Variants in RNF217 observed in about 807,000 individuals in gnomAD.
RNF217 encodes E3 ubiquitin-protein ligase RNF217.
A neutral mutation model predicts 57.8 loss-of-function variants in RNF217; 31 were observed. That is an observed-to-expected ratio of 0.54 (90% confidence interval 0.40 to 0.72). The LOEUF is 0.72. Among genes scored for constraint, RNF217 ranks in the 30% least tolerant of loss-of-function variants. RNF217 has a pLI of 0.00. For synonymous variants in RNF217, 313 were observed against 294.0 expected, an observed-to-expected ratio of 1.06 and a Z score of -0.66; for missense variants, 696 against 708.3, an observed-to-expected ratio of 0.98 and a Z score of 0.20.
At position 125,033,813 on chromosome 6, in the gene RNF217, T is replaced by A. The variant is rs370138318; in HGVS notation, c.883-11398T>A. On this transcript the variant is annotated intron_variant, in intron 1 of 5. Coordinates refer to ENST00000521654, the MANE Select transcript of RNF217 (RefSeq NM_001286398.3). ...TGAACTAGTTTACAGTCCCACCAAC[T>A]GTGTAAAAGTGTTCCTATTTCTCCA... is the stretch of plus-strand genomic sequence containing the variant. 1.5e-4 allele frequency among the ~76,000 whole-genome samples: 23 copies of A among 151,686 alleles called. 1 individual carries two copies. Among genetic ancestry groups the A allele is most frequent in the Admixed American group, 3.9e-4 (6 of 15,222 alleles).
At chr6:125,000,978 G>A (rs1784958066) in intron 1 of RNF217, among the ~76,000 whole-genome samples, 1 of 152,098 alleles carries the variant, frequency 6.6e-6, no homozygotes, top group Non-Finnish European at 1.5e-5. Flanking sequence ...ATTACATATA[G>A]TGAAAACATT....
At position 124,963,062 on chromosome 6, in the gene RNF217, T is replaced by A; in HGVS notation, c.518T>A (p.Leu173Gln). 1.9e-6 allele frequency: 3 copies of A among 1,566,690 alleles called. No homozygotes were observed. Among genetic ancestry groups the A allele is most frequent in the Non-Finnish European group, 2.6e-6 (3 of 1,164,292 alleles). ...TCCGTGTACTGCGTGGAGAGCGACC[T>A]GCCCGAGGCCCCCGCCTCGGAGCAG... ...FCSVYCVESD[L>Q]PEAPASEQLS... The change falls in exon 1 of 6, where the codon CTG becomes CAG. Residue 173 changes from leucine (L) to glutamine (Q), a missense_variant. Transcript: ENST00000521654.
chr6:125,028,766 G>GC (rs1786221863), intron 1 of RNF217, among the ~76,000 whole-genome samples: 1 of 147,982 alleles, frequency 6.8e-6, no homozygotes, highest in African/African-American at 2.5e-5. Flanking sequence ...TTAAAATAAG[G>GC]TTTTTTTTTT....
intron 2 of RNF217, among the ~76,000 whole-genome samples, chr6:125,053,982 A>G (rs928572572): frequency 6.6e-5 from 10 of 152,202 alleles, no homozygotes; most frequent in African/African-American, 2.2e-4. Flanking sequence ...GCCACTAGTC[A>G]TAAATTAGAT....
intron 3 of RNF217, among the ~76,000 whole-genome samples, chr6:125,074,909 C>A (rs1346272660): frequency 1.3e-5 from 2 of 152,162 alleles, no homozygotes; most frequent in East Asian, 3.8e-4. Flanking sequence ...TTCACTGACA[C>A]TCTAGTCCCG....
At chr6:125,045,041 G>A (rs1787040962) in intron 1 of RNF217, among the ~76,000 whole-genome samples, 170 bp from the exon 2 acceptor site, 1 of 151,852 alleles carries the variant, frequency 6.6e-6, no homozygotes, top group Non-Finnish European at 1.5e-5. Context: ...GATTATTTTG[G>A]TATTGCCTAA....
chr6:125,090,597 A>G lies in RNF217; in HGVS notation c.*7660A>G, dbSNP rs1788909511. 6.6e-6 allele frequency: 1 copy of G among 151,726 alleles called. No homozygotes were observed. The highest frequency in any genetic ancestry group is 1.5e-5 in the Non-Finnish European group (1 of 67,780). 9.4% of individuals were successfully genotyped at this position (151,726 alleles called of 1,614,324 possible). A position where few individuals can be genotyped will look rare whatever the true frequency, so the allele number is the denominator to read the frequency against. On this transcript the variant is annotated 3_prime_UTR_variant, in exon 6 of 6. Transcript: ENST00000521654. ...TATCAGAATGTATTCCATTTTAATTATATTCTCCTTAACAATAGAAAATTA... is the reference window on the plus strand; with the variant it reads ...TATCAGAATGTATTCCATTTTAATTGTATTCTCCTTAACAATAGAAAATTA...
At chr6:124,987,668 G>C (rs149769103) in intron 1 of RNF217, among the ~76,000 whole-genome samples, 1 of 152,052 alleles carries the variant, frequency 6.6e-6, no homozygotes, top group Non-Finnish European at 1.5e-5. Context: ...TAGAGACAGA[G>C]TCTGGCTATG....
chr6:124,970,750 A>G (rs1271011119), intron 1 of RNF217, among the ~76,000 whole-genome samples: 1 of 152,190 alleles, frequency 6.6e-6, no homozygotes, highest in African/African-American at 2.4e-5. Context: ...AATGTTCACA[A>G]ATATGGAGTC....
intron 1 of RNF217, among the ~76,000 whole-genome samples, chr6:125,024,114 A>G (rs1582720939): frequency 6.6e-6 from 1 of 152,350 alleles, no homozygotes; most frequent in Non-Finnish European, 1.5e-5. Context: ...GGTAAACAAA[A>G]TGAAACAAAG....
intron 1 of RNF217, among the ~76,000 whole-genome samples, chr6:125,012,221 T>C (rs1785440508): frequency 6.6e-6 from 1 of 152,300 alleles, no homozygotes; most frequent in Admixed American, 6.5e-5. Context: ...ATATAGCATA[T>C]ACAATACTAA....
chr6:125,075,360 G>A (rs1420258615), intron 3 of RNF217, among the ~76,000 whole-genome samples: 1 of 152,152 alleles, frequency 6.6e-6, no homozygotes, highest in Non-Finnish European at 1.5e-5. Flanking sequence ...AAATACCTGA[G>A]ACTGGGTAAT....
intron 1 of RNF217, among the ~76,000 whole-genome samples, chr6:125,013,279 A>G (rs1196020371): frequency 6.6e-6 from 1 of 152,014 alleles, no homozygotes; most frequent in Non-Finnish European, 1.5e-5. Flanking sequence ...TATTACCAGA[A>G]AAACAAAGCT....
chr6:125,083,954 A>G lies in RNF217; in HGVS notation c.*1017A>G, dbSNP rs568378045. ...ACATTGGGATTATTTAATCCCAAAAACAAGTTTGCTGTAGACAACTGCTTA... is the reference window on the plus strand; with the variant it reads ...ACATTGGGATTATTTAATCCCAAAAGCAAGTTTGCTGTAGACAACTGCTTA... On this transcript the variant is annotated 3_prime_UTR_variant, in exon 6 of 6. Coordinates refer to ENST00000521654, the MANE Select transcript of RNF217 (RefSeq NM_001286398.3). The G allele has an allele frequency of 6.6e-6, 1 of 152,186 alleles. No individual in the cohort carries two copies. The highest frequency in any genetic ancestry group is 2.4e-5 in the African/African-American group (1 of 41,534). 9.4% of individuals were successfully genotyped at this position (152,186 alleles called of 1,614,324 possible). A position where few individuals can be genotyped will look rare whatever the true frequency, so the allele number is the denominator to read the frequency against.
intron 3 of RNF217, among the ~76,000 whole-genome samples, chr6:125,069,092 TG>T (rs1232578510): frequency 1.3e-5 from 2 of 152,164 alleles, no homozygotes; most frequent in African/African-American, 4.8e-5. Flanking sequence ...GAATAAGATT[TG>T]GACAGTATAC....
At chr6:125,012,342 C>T (rs1785443425) in intron 1 of RNF217, among the ~76,000 whole-genome samples, 2 of 152,110 alleles carry the variant, frequency 1.3e-5, no homozygotes, top group East Asian at 1.9e-4. Flanking sequence ...TTAACATTTA[C>T]TGATGAATTT....
intron 4 of RNF217, among the ~76,000 whole-genome samples, chr6:125,079,675 G>A (rs1253509684): frequency 2.0e-5 from 3 of 151,954 alleles, no homozygotes; most frequent in East Asian, 3.9e-4. Context: ...TTGAAATTTT[G>A]TACAATTCTT....
At chr6:125,067,754 GAGC>G (rs1260168666) in intron 3 of RNF217, among the ~76,000 whole-genome samples, 1 of 152,150 alleles carries the variant, frequency 6.6e-6, no homozygotes, top group Non-Finnish European at 1.5e-5. Context: ...AGAAGCTCAG[GAGC>G]CAGGTCCTCA....
Position 125,048,269 on chromosome 6 carries a change from T to G in RNF217, c.1116+2825T>G, listed in dbSNP as rs934409070. ...TCTTTGTGATGAACAGGTGAACATT[T>G]TTTATTTTGCAGTATTTTTAAAAAT... On this transcript the variant is annotated intron_variant, in intron 2 of 5. Coordinates refer to ENST00000521654, the MANE Select transcript of RNF217 (RefSeq NM_001286398.3). 10 of 1,339,826 alleles carry G rather than the reference T, an allele frequency of 7.5e-6. No individual in the cohort carries two copies. In the African/African-American group the frequency reaches 1.5e-4, roughly 20 times the overall value. The allele number at this position is 1,339,826 out of a possible 1,614,324, so 83.0% of individuals were successfully genotyped here. A position where few individuals can be genotyped will look rare whatever the true frequency, so the allele number is the denominator to read the frequency against.
Sources: gnomAD v4.1 joint callset for allele counts (sites outside exome capture counted in the v4.1 genomes callset) on GRCh38, gnomAD v4.1.1 for gene constraint, MANE v1.5 for transcripts, NCBI Gene and HGNC (gene_info 2026-07-23, HGNC 2026-07-21) for gene names.